KSR1: variants seen among roughly 807,000 people sequenced by gnomAD.
KSR1 encodes the protein kinase suppressor of ras 1.
KSR1 carries 35 observed loss-of-function variants against 92.9 expected under a neutral mutation model. The observed-to-expected ratio is 0.38, with a 90% CI of 0.29 to 0.50. The LOEUF is 0.50. Among genes scored for constraint, KSR1 ranks in the 20% least tolerant of loss-of-function variants. KSR1 has a pLI of 0.94. For synonymous variants in KSR1, 467 were observed against 472.6 expected (o/e 0.99, Z 0.15); for missense variants, 972 against 1,158.5 (o/e 0.84, Z 2.34).
intron 19 of KSR1, chr17:27,617,632 A>G (rs1038091842): frequency 4.0e-5 from 22 of 550,010 alleles, no homozygotes; most frequent in Admixed American, 1.5e-4. Flanking sequence ...GGTTCAAGCA[A>G]TTCTCCTGCC....
chr17:27,621,454 T>C (rs1227292522), intron 20 of KSR1, among the ~76,000 whole-genome samples, 181 bp downstream of exon 20: 1 of 152,156 alleles, frequency 6.6e-6, no homozygotes, highest in Admixed American at 6.5e-5. Flanking sequence ...GCTTGCATTT[T>C]TCGCTGGGTG....
chr17:27,501,481 G>C (rs536843574), intron 1 of KSR1, among the ~76,000 whole-genome samples: 57 of 151,912 alleles, frequency 3.8e-4, no homozygotes, highest in African/African-American at 1.3e-3. Flanking sequence ...AGAGACCTTC[G>C]TGGCAGCCTC....
chr17:27,500,189 G>A (rs56248551), intron 1 of KSR1, among the ~76,000 whole-genome samples: 42 of 152,300 alleles, frequency 2.8e-4, no homozygotes, highest in African/African-American at 5.5e-4. Flanking sequence ...GGGAGGTTCC[G>A]TGCAATGCAG....
chr17:27,566,677 C>T (rs2072087659), intron 2 of KSR1: 4 of 397,442 alleles, frequency 1.0e-5, no homozygotes, highest in Non-Finnish European at 1.8e-5. Context: ...CTGTAGAACA[C>T]GTGTGGAGAA....
rs1231250021 is a variant in KSR1 at position 27,476,243 on chromosome 17, C to A, written c.231+19369C>A. Among the ~76,000 whole-genome samples, 3 of 152,198 alleles carry A rather than the reference C, an allele frequency of 2.0e-5. No homozygotes were observed. The East Asian group carries it at 5.8e-4, about 29-fold the overall frequency. ...AAGGCTAATGAAGTGGTGCAAAATT[C>A]AAACTTTCTGGAATAAAACGGAGAG... On this transcript the variant is annotated intron_variant, in intron 1 of 20. Transcript: ENST00000644974.
chr17:27,611,882 T>C (rs1464690401), intron 18 of KSR1, among the ~76,000 whole-genome samples: 1 of 152,148 alleles, frequency 6.6e-6, no homozygotes, highest in Non-Finnish European at 1.5e-5. Context: ...TTTTTTTTCT[T>C]AAAGATAATG....
intron 1 of KSR1, among the ~76,000 whole-genome samples, chr17:27,473,715 C>T (rs923450675): frequency 6.6e-6 from 1 of 152,082 alleles, no homozygotes; most frequent in African/African-American, 2.4e-5. Context: ...AAGAAGGTGA[C>T]GAGTCCCTGG....
chr17:27,538,493 T>C (rs2070832444), intron 1 of KSR1, among the ~76,000 whole-genome samples: 1 of 152,170 alleles, frequency 6.6e-6, no homozygotes, highest in Admixed American at 6.5e-5. Flanking sequence ...CTGTCACAGG[T>C]AACCAGCTTC....
chr17:27,540,522 G>A (rs1597981961), intron 1 of KSR1, among the ~76,000 whole-genome samples: 2 of 152,358 alleles, frequency 1.3e-5, no homozygotes, highest in East Asian at 1.9e-4. Context: ...GAGGCTTGGC[G>A]GGGAGGTTGT....
intron 11 of KSR1, among the ~76,000 whole-genome samples, chr17:27,602,210 G>A (rs931126436): frequency 6.6e-6 from 1 of 152,152 alleles, no homozygotes; most frequent in Non-Finnish European, 1.5e-5. Context: ...TTAGGGGGTT[G>A]ACTTGGAGCA....
rs191736626 is a variant in KSR1, at chr17:27,601,458, C to G, written c.1510+57C>G. 2.6e-4 allele frequency: 390 copies of G among 1,495,664 alleles called. 4 individuals are homozygous for G. In the African/African-American group the frequency reaches 4.9e-3, roughly 19 times the overall value. 92.6% of individuals were successfully genotyped at this position (1,495,664 alleles called of 1,614,324 possible). ...CTTTGCTGTGACCCCTTCTGTCCTG[C>G]CCACCTGGGCAGGGCGCCCTCTCTC... is the stretch of plus-strand genomic sequence containing the variant. On this transcript the variant is annotated intron_variant, in intron 11 of 20. Coordinates refer to ENST00000644974, the MANE Select transcript of KSR1 (RefSeq NM_001394583.1).
chr17:27,524,717 T>C (rs541597264), intron 1 of KSR1, among the ~76,000 whole-genome samples: 2 of 152,188 alleles, frequency 1.3e-5, no homozygotes, highest in South Asian at 2.1e-4. Flanking sequence ...ACCTAAAACT[T>C]TGGATGTCCC....
intron 3 of KSR1, among the ~76,000 whole-genome samples, chr17:27,581,940 G>C (rs1375217870): frequency 1.3e-5 from 2 of 152,154 alleles, no homozygotes; most frequent in Non-Finnish European, 2.9e-5. Context: ...TTTTTCACAA[G>C]CCCCAGAGCA....
rs2072545680 is a variant in KSR1, at chr17:27,577,262, T to C, written c.373-230T>C. 6.6e-6 allele frequency among the ~76,000 whole-genome samples: 1 copy of C among 152,140 alleles called. No individual in the cohort carries two copies. The highest frequency in any genetic ancestry group is 2.1e-4 in the South Asian group (1 of 4,824). ...TCGTCCAAACCTTTCTGGTCTTTAC[T>C]TCCTCCCCTCACCCCCCACCGAGTC... On this transcript the variant is annotated intron_variant, in intron 2 of 20. Coordinates refer to ENST00000644974, the MANE Select transcript of KSR1 (RefSeq NM_001394583.1). The surrounding 1 kb of genome is among the most constrained non-coding windows in gnomAD (Gnocchi z 4.5).
chr17:27,548,719 A>C (rs1047813355), intron 1 of KSR1, among the ~76,000 whole-genome samples: 2 of 152,150 alleles, frequency 1.3e-5, no homozygotes, highest in African/African-American at 4.8e-5. Flanking sequence ...ACTTCCAACT[A>C]CTTGGGAAGC....
intron 1 of KSR1, among the ~76,000 whole-genome samples, chr17:27,508,201 T>G (rs1879920): frequency 0.89 from 136,169 of 152,162 alleles, 61,033 homozygotes; most frequent in East Asian, 1. Flanking sequence ...TGGAGTGGCT[T>G]GTTAGGGTGG....
rs949217096 is a variant in KSR1 at position 27,459,246 on chromosome 17, C to T, written c.231+2372C>T. ...ACCTGCAGCATTTTGTCTGTCAGTCCGTGCTGATACTACGAAAAGAGTCTG... is the reference window on the plus strand; with the variant it reads ...ACCTGCAGCATTTTGTCTGTCAGTCTGTGCTGATACTACGAAAAGAGTCTG... On this transcript the variant is annotated intron_variant, in intron 1 of 20. Transcript: ENST00000644974. The surrounding 1 kb of genome is among the most constrained non-coding windows in gnomAD (Gnocchi z 4.6). Among the ~76,000 whole-genome samples the T allele has an allele frequency of 1.6e-4, 24 of 152,274 alleles. 1 individual carries two copies. The highest frequency in any genetic ancestry group is 3.4e-3 in the Middle Eastern group (1 of 294).
chr17:27,569,423 G>A (rs1315700186), intron 2 of KSR1, among the ~76,000 whole-genome samples: 1 of 152,248 alleles, frequency 6.6e-6, no homozygotes, highest in Non-Finnish European at 1.5e-5. Context: ...TGTGTGCTGG[G>A]GGTTAGGTGG....
At chr17:27,608,397 A>C (rs1220545548) in intron 15 of KSR1, among the ~76,000 whole-genome samples, 1 of 152,140 alleles carries the variant, frequency 6.6e-6, no homozygotes, top group Non-Finnish European at 1.5e-5. Flanking sequence ...GTGAGGTTAA[A>C]AACGCGATAA....
Sources: allele counts gnomAD v4.1 joint callset (sites outside exome capture counted in the v4.1 genomes callset), GRCh38; gene constraint gnomAD v4.1.1; non-coding constraint Gnocchi (gnomAD v3.1); transcripts MANE v1.5; gene names NCBI Gene and HGNC (gene_info 2026-07-23, HGNC 2026-07-21).